Variants in POU3F3 observed in about 807,000 individuals in gnomAD.
POU3F3 encodes POU domain, class 3, transcription factor 3.
POU3F3 carries 1 observed loss-of-function variant against 8.6 expected under a neutral mutation model. The ratio of observed to expected loss-of-function variants is 0.12; its 90% CI spans 0.04 to 0.55. The LOEUF (loss-of-function observed/expected upper bound fraction) is 0.55, where lower values mean the gene tolerates loss of function less well. POU3F3 is among the 20% of genes least tolerant of loss of function. The probability of loss-of-function intolerance (pLI) is 0.91; values close to 1 mark genes in which losing one functional copy is unlikely to be tolerated. For synonymous variants in POU3F3, 418 were observed against 327.4 expected (o/e 1.28, Z -2.99); for missense variants, 577 against 690.7 (o/e 0.84, Z 1.84).
the POU3F3 span, among the ~76,000 whole-genome samples, chr2:104,889,222 C>T: frequency 6.6e-6 from 1 of 152,178 alleles, no homozygotes. Context: ...GGGTCCTTGA[C>T]ACATGGCCAT....
At chr2:104,904,749 G>A in the POU3F3 span, among the ~76,000 whole-genome samples, 2 of 152,132 alleles carry the variant, frequency 1.3e-5, no homozygotes, top group African/African-American at 4.8e-5. Flanking sequence ...ATAGGACGAT[G>A]TATATCAGTT....
the POU3F3 span, among the ~76,000 whole-genome samples, chr2:104,923,618 AC>A: frequency 6.6e-6 from 1 of 152,222 alleles, no homozygotes; most frequent in African/African-American, 2.4e-5. Flanking sequence ...GAAATGAAGT[AC>A]AAAAAAGCTA....
the POU3F3 span, among the ~76,000 whole-genome samples, chr2:104,879,706 G>C: frequency 6.6e-6 from 1 of 152,066 alleles, no homozygotes. Flanking sequence ...TGCCCCTGTG[G>C]CCTCTCTCTT....
the POU3F3 span, among the ~76,000 whole-genome samples, chr2:104,903,938 A>G: frequency 6.6e-6 from 1 of 152,216 alleles, no homozygotes; most frequent in Admixed American, 6.5e-5. Context: ...TTCCTTGCTC[A>G]AGGAAAGGCC....
chr2:104,856,943 A>G lies in POU3F3; in HGVS notation c.1433A>G (p.Tyr478Cys). ...CAACAGCAGACGCCCGACGACGTCT[A>G]CTCGCAGGTGGGCACCGTGAGCGCC... ...GIQQQTPDDV[Y>C]SQVGTVSADT... is the part of the protein sequence containing the mutation. Residue 478 changes from tyrosine (Y) to cysteine (C), a missense_variant, in exon 1 of 1, where the codon TAC (tyrosine) becomes TGC (cysteine). Around this residue, in one of 7 missense-constraint regions of POU3F3, gnomAD observed 35 missense variants for 50.3 expected, o/e 0.70. Coordinates refer to ENST00000361360, the MANE Select transcript of POU3F3 (RefSeq NM_006236.3). The G allele has an allele frequency of 6.2e-7, 1 of 1,613,030 alleles. No individual in the cohort carries two copies. The highest frequency in any genetic ancestry group is 8.5e-7 in the Non-Finnish European group (1 of 1,179,844).
At chr2:104,915,758 T>C in the POU3F3 span, among the ~76,000 whole-genome samples, 29 of 151,968 alleles carry the variant, frequency 1.9e-4, no homozygotes, top group Admixed American at 1.2e-3. Flanking sequence ...TGCAAATCGC[T>C]GGACTGTCCA....
downstream of POU3F3, among the ~76,000 whole-genome samples, chr2:104,861,229 T>G (rs2104344449): frequency 6.6e-6 from 1 of 152,348 alleles, no homozygotes; most frequent in South Asian, 2.1e-4. Context: ...CATTAATAAC[T>G]TGTAGCTTTC....
chr2:104,914,441 C>T, the POU3F3 span, among the ~76,000 whole-genome samples: 667 of 152,282 alleles, frequency 4.4e-3, 6 homozygotes, highest in African/African-American at 0.015. Flanking sequence ...GACTGTGAGA[C>T]CTAGAGGAAG....
the POU3F3 span, among the ~76,000 whole-genome samples, chr2:104,888,553 T>C: frequency 6.6e-6 from 1 of 152,158 alleles, no homozygotes; most frequent in Admixed American, 6.5e-5. Context: ...AAGTGAAATG[T>C]CTTTCAAGGC....
chr2:104,926,015 A>G, the POU3F3 span: 1 of 152,212 alleles, frequency 6.6e-6, no homozygotes, highest in Non-Finnish European at 1.5e-5. Context: ...GTCTGGGTTC[A>G]TAGAAGATTG....
the POU3F3 span, among the ~76,000 whole-genome samples, chr2:104,921,974 G>A: frequency 1.3e-5 from 2 of 152,162 alleles, no homozygotes; most frequent in Non-Finnish European, 2.9e-5. Context: ...TCCAGCCTGG[G>A]CAAAAGAATG....
chr2:104,861,184 A>G (rs1160165679), downstream of POU3F3, among the ~76,000 whole-genome samples: 1 of 152,214 alleles, frequency 6.6e-6, no homozygotes, highest in East Asian at 1.9e-4. Flanking sequence ...AGACGGGCAT[A>G]TTTGCACTAA....
chr2:104,875,182 G>A, the POU3F3 span, among the ~76,000 whole-genome samples: 1 of 152,148 alleles, frequency 6.6e-6, no homozygotes, highest in South Asian at 2.1e-4. Context: ...CCCTTTTAGG[G>A]CTGAATAAGA....
At chr2:104,881,434 G>A in the POU3F3 span, among the ~76,000 whole-genome samples, 1 of 151,878 alleles carries the variant, frequency 6.6e-6, no homozygotes, top group African/African-American at 2.4e-5. Context: ...CCAAAGTGTT[G>A]GGATTACAGG....
the POU3F3 span, among the ~76,000 whole-genome samples, chr2:104,896,468 G>A: frequency 2.1e-3 from 313 of 152,296 alleles, 4 homozygotes; most frequent in Non-Finnish European, 2.3e-3. Context: ...GAGATAACAC[G>A]GCATCTTTCA....
downstream of POU3F3, among the ~76,000 whole-genome samples, chr2:104,863,160 AT>A (rs1676686037): frequency 6.6e-4 from 5 of 7,620 alleles, no homozygotes; most frequent in Non-Finnish European, 1.7e-3. Flanking sequence ...CATAATAACA[AT>A]TATTATTATT....
the POU3F3 span, among the ~76,000 whole-genome samples, chr2:104,882,331 A>C: frequency 4.1e-5 from 6 of 146,772 alleles, no homozygotes; most frequent in African/African-American, 1.5e-4. Flanking sequence ...ACTGCACTGC[A>C]ACCTTCGCCT....
At chr2:104,890,709 G>T in the POU3F3 span, among the ~76,000 whole-genome samples, 847 of 152,256 alleles carry the variant, frequency 5.6e-3, 8 homozygotes, top group African/African-American at 0.019. Flanking sequence ...TAGCAGGCAC[G>T]CAAGGGCATA....
the POU3F3 span, among the ~76,000 whole-genome samples, chr2:104,901,095 G>A: frequency 6.6e-6 from 1 of 152,126 alleles, no homozygotes; most frequent in Non-Finnish European, 1.5e-5. Flanking sequence ...TCTAAATTAA[G>A]GTCTGCATTA....
Sources: allele counts gnomAD v4.1 joint callset (sites outside exome capture counted in the v4.1 genomes callset), GRCh38; gene constraint gnomAD v4.1.1; regional missense constraint gnomAD v4.1.1; transcripts MANE v1.5; gene names NCBI Gene and HGNC (gene_info 2026-07-23, HGNC 2026-07-21).